Variants in NALCN observed in about 807,000 individuals in gnomAD.
NALCN encodes sodium leak channel NALCN.
Under a neutral mutation model 225.3 loss-of-function variants are expected in NALCN, and 111 were observed. The ratio of observed to expected loss-of-function variants is 0.49; its 90% CI spans 0.42 to 0.58. The LOEUF (loss-of-function observed/expected upper bound fraction) is 0.58. Among genes scored for constraint, NALCN ranks in the 20% least tolerant of loss-of-function variants. The probability of loss-of-function intolerance (pLI) is 0.00; values close to 1 mark genes in which losing one functional copy is unlikely to be tolerated. For synonymous variants in NALCN, 764 were observed against 769.0 expected (o/e 0.99, Z 0.11); for missense variants, 1,378 against 2,202.4 (o/e 0.63, Z 7.49).
intron 13 of NALCN, among the ~76,000 whole-genome samples, chr13:101,204,897 C>G (rs569691467): frequency 3.2e-4 from 49 of 152,190 alleles, no homozygotes; most frequent in Admixed American, 1.3e-4. Flanking sequence ...AGTTAATTGT[C>G]CATTATTTAA....
chr13:101,057,775 T>C (rs1460540477), intron 43 of NALCN, 164 bp downstream of exon 43: 4 of 661,256 alleles, frequency 6.0e-6, no homozygotes, highest in South Asian at 5.2e-5. Flanking sequence ...GAAGTTATTT[T>C]GGGGGACAAT....
chr13:101,258,831 T>C (rs374299308), intron 10 of NALCN, among the ~76,000 whole-genome samples: 4 of 152,334 alleles, frequency 2.6e-5, no homozygotes, highest in African/African-American at 9.6e-5. Context: ...CATTTGTGTA[T>C]GGCTTGCATC....
At chr13:101,114,620 T>C (rs2035614158) in intron 18 of NALCN, among the ~76,000 whole-genome samples, 1 of 152,106 alleles carries the variant, frequency 6.6e-6, no homozygotes. Context: ...AACCATGCGA[T>C]TGAGTGGGGC....
intron 10 of NALCN, among the ~76,000 whole-genome samples, chr13:101,275,513 G>T (rs555513): frequency 6.6e-6 from 1 of 151,900 alleles, no homozygotes; most frequent in Admixed American, 6.6e-5. Context: ...TTCCATAAAC[G>T]TGTCCTGTCG....
At chr13:101,154,193 C>A (rs956498569) in intron 15 of NALCN, among the ~76,000 whole-genome samples, 1 of 152,120 alleles carries the variant, frequency 6.6e-6, no homozygotes, top group Non-Finnish European at 1.5e-5. Flanking sequence ...GCAATGTCAT[C>A]GATGAGGAAA....
intron 13 of NALCN, among the ~76,000 whole-genome samples, chr13:101,224,462 C>T (rs2041061338): frequency 6.6e-6 from 1 of 152,152 alleles, no homozygotes; most frequent in Non-Finnish European, 1.5e-5. Flanking sequence ...ATCAACCTCA[C>T]CAATAAAACC....
chr13:101,198,383 A>T (rs1479137029), intron 13 of NALCN, among the ~76,000 whole-genome samples: 1 of 152,216 alleles, frequency 6.6e-6, no homozygotes, highest in African/African-American at 2.4e-5. Flanking sequence ...AATTTTTGCA[A>T]TCTACTCATC....
intron 6 of NALCN, among the ~76,000 whole-genome samples, chr13:101,370,710 A>G (rs558292160): frequency 5.3e-5 from 8 of 152,222 alleles, no homozygotes; most frequent in Non-Finnish European, 8.8e-5. Context: ...TTGCTTAACC[A>G]TATGAAAAAT....
chr13:101,258,587 AACAG>A lies in NALCN; in HGVS notation c.1135-17_1135-14del, dbSNP rs2042317776. 1.1e-5 allele frequency: 17 copies of A among 1,614,038 alleles called. No homozygotes were observed. Among genetic ancestry groups the A allele is most frequent in the South Asian group, 1.1e-5 (1 of 91,082 alleles). On this transcript the variant is annotated splice_polypyrimidine_tract_variant and intron_variant, in intron 10 of 43. Coordinates refer to ENST00000251127, the MANE Select transcript of NALCN (RefSeq NM_052867.4). ...ACCGCATCATTTTCTGAGGGGGCGA[AACAG>A]ACAGACTCTTAACAAAGAAATAAAC...
chr13:101,166,673 TC>T (rs2139892311), intron 15 of NALCN, among the ~76,000 whole-genome samples: 1 of 152,290 alleles, frequency 6.6e-6, no homozygotes, highest in Admixed American at 6.5e-5. Flanking sequence ...TTTTCTACAA[TC>T]CCATAGGTTG....
At chr13:101,078,307 A>G (rs1194170422) in intron 34 of NALCN, among the ~76,000 whole-genome samples, 1 of 152,196 alleles carries the variant, frequency 6.6e-6, no homozygotes, top group Non-Finnish European at 1.5e-5. Flanking sequence ...TCCAGACTCC[A>G]GAATGGTAGA....
intron 10 of NALCN, among the ~76,000 whole-genome samples, chr13:101,262,609 AGAGCTATTT>A (rs2042466300): frequency 1.3e-5 from 2 of 152,194 alleles, no homozygotes; most frequent in Non-Finnish European, 2.9e-5. Context: ...TGCAGCTCAA[AGAGCTATTT>A]TCCTTAGCTG....
chr13:101,332,307 T>C (rs1408947056), intron 7 of NALCN, among the ~76,000 whole-genome samples: 1 of 133,980 alleles, frequency 7.5e-6, no homozygotes, highest in Non-Finnish European at 1.5e-5. Flanking sequence ...AGGCACAGGA[T>C]ACTAAGACCA....
At chr13:101,192,728 C>T (rs952596921) in intron 13 of NALCN, among the ~76,000 whole-genome samples, 23 of 152,120 alleles carry the variant, frequency 1.5e-4, no homozygotes, top group Non-Finnish European at 3.2e-4. Flanking sequence ...GCCAGCCAAG[C>T]TAAAAATCTC....
chr13:101,339,121 T>C (rs1594704174), intron 7 of NALCN, among the ~76,000 whole-genome samples: 2 of 152,208 alleles, frequency 1.3e-5, no homozygotes, highest in South Asian at 4.2e-4. Flanking sequence ...GAACTGAAAG[T>C]GGGGTAAGTA....
chr13:101,149,222 G>T (rs962457081), intron 15 of NALCN, among the ~76,000 whole-genome samples: 3 of 151,992 alleles, frequency 2.0e-5, no homozygotes, highest in African/African-American at 7.3e-5. Flanking sequence ...GAACCCGGGA[G>T]GTGGAGCTTA....
At chr13:101,279,546 G>A (rs2043077471) in intron 10 of NALCN, among the ~76,000 whole-genome samples, 1 of 152,116 alleles carries the variant, frequency 6.6e-6, no homozygotes. Context: ...GCCGGGCGCG[G>A]TGGCTCACGC....
rs1345168442 is a variant in NALCN, at chr13:101,089,009, T to C, written c.3489+654A>G. Among the ~76,000 whole-genome samples the C allele has an allele frequency of 6.6e-6, 1 of 151,936 alleles. No homozygotes were observed. Among genetic ancestry groups the C allele is most frequent in the Non-Finnish European group, 1.5e-5 (1 of 67,980 alleles). On this transcript the variant is annotated intron_variant, in intron 30 of 43. Coordinates refer to ENST00000251127, the MANE Select transcript of NALCN (RefSeq NM_052867.4). This position sits in a 1 kb window ranked among gnomAD's most constrained non-coding sequence, Gnocchi z 4.7. ...GCCTTCTAGGTTCAAACGATTCTCA[T>C]GCCTCAGCCAACCCAGTAGCTGGGA...
intron 1 of NALCN, among the ~76,000 whole-genome samples, chr13:101,410,552 T>A (rs1161000141): frequency 2.0e-5 from 3 of 152,336 alleles, no homozygotes; most frequent in African/African-American, 7.2e-5. Flanking sequence ...TAAATTTTTG[T>A]TTTATAAAAG....
Sources: allele counts gnomAD v4.1 joint callset (sites outside exome capture counted in the v4.1 genomes callset), GRCh38; gene constraint gnomAD v4.1.1; non-coding constraint Gnocchi (gnomAD v3.1); transcripts MANE v1.5; gene names NCBI Gene and HGNC (gene_info 2026-07-23, HGNC 2026-07-21).